MYO10: variants seen among roughly 807,000 people sequenced by gnomAD.
MYO10 encodes myosin X, also known as unconventional myosin-X.
MYO10 carries 133 observed loss-of-function variants against 257.3 expected under a neutral mutation model. The observed-to-expected ratio is 0.52, with a 90% CI of 0.45 to 0.60. The LOEUF is 0.60. Among genes scored for constraint, MYO10 ranks in the 20% least tolerant of loss-of-function variants. MYO10 has a pLI of 0.00. For synonymous variants in MYO10, 1,104 were observed against 1,028.6 expected (o/e 1.07, Z -1.40); for missense variants, 2,399 against 2,635.7 (o/e 0.91, Z 1.97).
Position 16,869,926 on chromosome 5 carries a change from AG to A in MYO10, c.120+7682del, listed in dbSNP as rs1318521953. On this transcript the variant is annotated intron_variant, in intron 2 of 40. Coordinates refer to ENST00000513610, the MANE Select transcript of MYO10 (RefSeq NM_012334.3). ...AGAAGGAGAAAGGAAGGGAAGGGGA[AG>A]GGGGAGGGGGAGGGGGAGGGGAAAA... is the stretch of plus-strand genomic sequence containing the variant. 2.3e-3 allele frequency among the ~76,000 whole-genome samples: 116 copies of A among 50,108 alleles called. 5 individuals are homozygous for A. The highest frequency in any genetic ancestry group is 9.2e-3 in the African/African-American group (111 of 12,010). The allele number at this position is 50,108 out of a possible 152,430, so 32.9% of individuals were successfully genotyped here.
chr5:16,901,087 G>A (rs1325405496), intron 1 of MYO10, among the ~76,000 whole-genome samples: 1 of 152,060 alleles, frequency 6.6e-6, no homozygotes, highest in Admixed American at 6.6e-5. Flanking sequence ...CCTGTAGACT[G>A]TGCATGATCT....
chr5:16,932,609 A>C (rs1746320722), intron 1 of MYO10, among the ~76,000 whole-genome samples: 1 of 152,176 alleles, frequency 6.6e-6, no homozygotes, highest in African/African-American at 2.4e-5. Flanking sequence ...GGAGCCATAA[A>C]ATTCTAATGA....
chr5:16,868,992 G>A (rs1300245083), intron 2 of MYO10, among the ~76,000 whole-genome samples: 1 of 152,006 alleles, frequency 6.6e-6, no homozygotes, highest in East Asian at 1.9e-4. Context: ...CATGGGTTGG[G>A]CAGTGGCTCA....
intron 1 of MYO10, among the ~76,000 whole-genome samples, chr5:16,928,037 CAG>C (rs956115609): frequency 1.3e-5 from 2 of 152,120 alleles, no homozygotes; most frequent in African/African-American, 4.8e-5. Context: ...ACAAAGCACT[CAG>C]AATCTTTAAC....
At chr5:16,676,552 T>C (rs1736731698) in intron 33 of MYO10, among the ~76,000 whole-genome samples, 1 of 151,998 alleles carries the variant, frequency 6.6e-6, no homozygotes, top group African/African-American at 2.4e-5. Flanking sequence ...CTGTCTCCAC[T>C]AAAAATATGA....
At chr5:16,822,158 A>G (rs1019073404) in intron 2 of MYO10, among the ~76,000 whole-genome samples, 2 of 152,158 alleles carry the variant, frequency 1.3e-5, no homozygotes, top group Non-Finnish European at 2.9e-5. Context: ...CAGGAAGAAT[A>G]GCTAATGGAT....
At chr5:16,784,706 C>CT (rs2126672265) in intron 4 of MYO10, among the ~76,000 whole-genome samples, 1 of 152,320 alleles carries the variant, frequency 6.6e-6, no homozygotes, top group Admixed American at 6.5e-5. Context: ...AGATGAGCCC[C>CT]TTTTGCGTTC....
chr5:16,754,186 T>G (rs1579952240), intron 19 of MYO10, among the ~76,000 whole-genome samples: 1 of 152,148 alleles, frequency 6.6e-6, no homozygotes, highest in East Asian at 1.9e-4. Flanking sequence ...GCTACCTAAT[T>G]AGCTGTGGAT....
intron 18 of MYO10, among the ~76,000 whole-genome samples, chr5:16,757,119 TAAA>T (rs58155620): frequency 2.8e-4 from 28 of 100,132 alleles, no homozygotes; most frequent in African/African-American, 9.4e-4. Flanking sequence ...ACTCTGCCTT[TAAA>T]AAAAAAAAAA....
intron 1 of MYO10, chr5:16,916,528 A>C (rs1745823299): frequency 6.1e-6 from 1 of 163,196 alleles, no homozygotes; most frequent in Non-Finnish European, 1.3e-5. Flanking sequence ...ATCACAGATT[A>C]AATCCAGGAA....
In MYO10 at chr5:16,926,101, T is replaced by C. The variant is rs144973105; in HGVS notation, c.21+9687A>G. Reference sequence around the variant, plus strand: ...GGATATCCCAATGACCCTGATGTGATTATATGAAAGCATCAAATGATCACA... The same window carrying C: ...GGATATCCCAATGACCCTGATGTGACTATATGAAAGCATCAAATGATCACA... On this transcript the variant is annotated intron_variant, in intron 1 of 40. Coordinates refer to ENST00000513610, the MANE Select transcript of MYO10 (RefSeq NM_012334.3). 1.2e-3 allele frequency among the ~76,000 whole-genome samples: 183 copies of C among 152,294 alleles called. 1 individual carries two copies. Among genetic ancestry groups the C allele is most frequent in the African/African-American group, 4.2e-3 (176 of 41,582 alleles).
intron 2 of MYO10, among the ~76,000 whole-genome samples, chr5:16,857,001 A>G (rs116334181): frequency 0.012 from 1,849 of 152,342 alleles, 34 homozygotes; most frequent in Middle Eastern, 0.034. Context: ...ATGGCAAATG[A>G]TAAGTTAACG....
At chr5:16,913,738 C>T (rs1745737237) in intron 1 of MYO10, among the ~76,000 whole-genome samples, 1 of 152,134 alleles carries the variant, frequency 6.6e-6, no homozygotes, top group African/African-American at 2.4e-5. Context: ...AAGTGAGAAC[C>T]AGGATACGTA....
At chr5:16,757,301 AACACACACACACACGCAC>A (rs1208083151) in intron 18 of MYO10, among the ~76,000 whole-genome samples, 32 of 84,384 alleles carry the variant, frequency 3.8e-4, no homozygotes, top group African/African-American at 8.5e-4. Flanking sequence ...CACACACACA[AACACACACACACACGCAC>A]ACACACACAC....
chr5:16,677,790 C>T (rs1247137518), intron 33 of MYO10, among the ~76,000 whole-genome samples: 3 of 148,526 alleles, frequency 2.0e-5, no homozygotes, highest in African/African-American at 5.0e-5. Context: ...GACAGAGTTT[C>T]GCTCTGGTTG....
At chr5:16,879,661 G>A (rs576266932) in intron 1 of MYO10, among the ~76,000 whole-genome samples, 1 of 152,202 alleles carries the variant, frequency 6.6e-6, no homozygotes, top group East Asian at 1.9e-4. Context: ...ACATCACACT[G>A]ACTCCACTTG....
At chr5:16,710,572 T>C (rs2288441) in intron 21 of MYO10, 99,647 of 301,806 alleles carry the variant, frequency 0.33, 17,630 homozygotes, top group East Asian at 0.46. Flanking sequence ...GGTATCGCTT[T>C]GTAGACACTG....
intron 2 of MYO10, among the ~76,000 whole-genome samples, chr5:16,837,886 T>C (rs1028670060): frequency 1.4e-5 from 2 of 147,534 alleles, no homozygotes; most frequent in Non-Finnish European, 3.0e-5. Flanking sequence ...ATCCGTGTCA[T>C]ATTTTGGTAA....
At chr5:16,827,825 T>C (rs770505067) in intron 2 of MYO10, among the ~76,000 whole-genome samples, 12 of 152,182 alleles carry the variant, frequency 7.9e-5, no homozygotes, top group Non-Finnish European at 1.5e-4. Context: ...CAGACATTGC[T>C]AATGTTACCT....
Sources: allele counts gnomAD v4.1 joint callset (sites outside exome capture counted in the v4.1 genomes callset), GRCh38; gene constraint gnomAD v4.1.1; transcripts MANE v1.5; gene names NCBI Gene and HGNC (gene_info 2026-07-23, HGNC 2026-07-21).